Variants in OSBPL8 observed in about 807,000 individuals in gnomAD.
The protein encoded by OSBPL8 is oxysterol binding protein like 8, also known as oxysterol-binding protein-related protein 8.
In OSBPL8, 59 loss-of-function variants were observed where a neutral mutation model predicts 125.5. That is an observed-to-expected ratio of 0.47 (90% CI 0.38 to 0.58). The LOEUF (loss-of-function observed/expected upper bound fraction) is 0.58. OSBPL8 is among the 20% of genes least tolerant of loss of function. The pLI is 0.00. For missense variants in OSBPL8, 758 were observed against 1,047.8 expected (o/e 0.72, Z 3.82); for synonymous variants, 330 against 338.9 (o/e 0.97, Z 0.29).
rs535395366 is a variant in OSBPL8, at chr12:76,465,813, C to T, written c.43-5918G>A. 2.0e-3 allele frequency among the ~76,000 whole-genome samples: 307 copies of T among 152,112 alleles called. 1 individual carries two copies. The highest frequency in any genetic ancestry group is 6.8e-3 in the African/African-American group (282 of 41,492). Reference sequence around the variant, plus strand: ...TTGAGGTCAAGAGTTTGGGACCAGCCTGGCCAACATGGTGAAACCCCGTCT... The same window carrying T: ...TTGAGGTCAAGAGTTTGGGACCAGCTTGGCCAACATGGTGAAACCCCGTCT... On this transcript the variant is annotated intron_variant, in intron 2 of 23. Transcript: ENST00000261183.
chr12:76,481,433 C>A (rs555711739), intron 2 of OSBPL8, among the ~76,000 whole-genome samples: 1 of 152,086 alleles, frequency 6.6e-6, no homozygotes, highest in South Asian at 2.1e-4. Context: ...TTGTTACAGC[C>A]TGGGAAACAT....
At chr12:76,544,500 C>T (rs1253102779) in intron 1 of OSBPL8, among the ~76,000 whole-genome samples, 2 of 152,124 alleles carry the variant, frequency 1.3e-5, no homozygotes, top group Non-Finnish European at 2.9e-5. Flanking sequence ...AACACACTGA[C>T]CATCTCTTAG....
intron 1 of OSBPL8, among the ~76,000 whole-genome samples, chr12:76,529,461 A>G (rs1380393367): frequency 6.6e-6 from 1 of 151,146 alleles, no homozygotes; most frequent in Non-Finnish European, 1.5e-5. Flanking sequence ...GCAACTAACC[A>G]TTTGTACTTG....
At chr12:76,506,102 T>C (rs1350011551) in intron 1 of OSBPL8, among the ~76,000 whole-genome samples, 2 of 152,218 alleles carry the variant, frequency 1.3e-5, no homozygotes, top group Non-Finnish European at 2.9e-5. Flanking sequence ...AAAGAATTTA[T>C]TGATGAATCA....
At chr12:76,545,718 T>C (rs1361504932) in intron 1 of OSBPL8, among the ~76,000 whole-genome samples, 1 of 150,752 alleles carries the variant, frequency 6.6e-6, no homozygotes, top group African/African-American at 2.4e-5. Context: ...TCATCTCTAA[T>C]TTACAATGTA....
At chr12:76,446,272 C>T (rs1465651618) in intron 4 of OSBPL8, among the ~76,000 whole-genome samples, 1 of 152,116 alleles carries the variant, frequency 6.6e-6, no homozygotes, top group Non-Finnish European at 1.5e-5. Flanking sequence ...GTTTTCTGGA[C>T]ATTGGTTTAT....
intron 23 of OSBPL8, among the ~76,000 whole-genome samples, chr12:76,356,378 A>G (rs1208079083): frequency 6.6e-6 from 1 of 152,178 alleles, no homozygotes; most frequent in Non-Finnish European, 1.5e-5. Flanking sequence ...CTAGCATGCT[A>G]TAGGAGTAAA....
chr12:76,416,039 T>C (rs976576396), intron 4 of OSBPL8, among the ~76,000 whole-genome samples: 10 of 152,142 alleles, frequency 6.6e-5, no homozygotes, highest in African/African-American at 2.4e-4. Flanking sequence ...TTCTAAAATA[T>C]GCACTTAAGG....
chr12:76,518,706 C>T (rs1055072773), intron 1 of OSBPL8, among the ~76,000 whole-genome samples: 6 of 152,166 alleles, frequency 3.9e-5, no homozygotes, highest in African/African-American at 1.2e-4. Flanking sequence ...CTCTTAACAC[C>T]ACATGGAAGC....
At chr12:76,377,889 T>C (rs963373077) in intron 16 of OSBPL8, among the ~76,000 whole-genome samples, 1 of 152,170 alleles carries the variant, frequency 6.6e-6, no homozygotes, top group Non-Finnish European at 1.5e-5. Context: ...TTCTATTTTA[T>C]AGGAGCTGCT....
chr12:76,396,716 T>C (rs1199777709), intron 8 of OSBPL8, among the ~76,000 whole-genome samples: 1 of 151,936 alleles, frequency 6.6e-6, no homozygotes, highest in East Asian at 1.9e-4. Flanking sequence ...ATCATGCCAC[T>C]GCAGTCCAGC....
rs542179942 is a variant in OSBPL8 at position 76,360,761 on chromosome 12, G to A, written c.2329-1950C>T. On this transcript the variant is annotated intron_variant, in intron 21 of 23. Coordinates refer to ENST00000261183, the MANE Select transcript of OSBPL8 (RefSeq NM_020841.5). ...ACAGGCTCAACACCATGTGGAAGCTGCCAAGGTTTGGGGCTTGCACCCTCT... is the reference window on the plus strand; with the variant it reads ...ACAGGCTCAACACCATGTGGAAGCTACCAAGGTTTGGGGCTTGCACCCTCT... Among the ~76,000 whole-genome samples, 4 of 152,324 alleles carry A rather than the reference G, an allele frequency of 2.6e-5. No individual in the cohort carries two copies. In the East Asian group the frequency reaches 7.7e-4, roughly 29 times the overall value.
intron 3 of OSBPL8, among the ~76,000 whole-genome samples, chr12:76,451,545 G>A (rs1316990297): frequency 6.6e-6 from 1 of 152,136 alleles, no homozygotes; most frequent in Non-Finnish European, 1.5e-5. Context: ...CTTGCCTGAG[G>A]CTAAACAGTA....
chr12:76,399,879 C>A lies in OSBPL8; in HGVS notation c.462G>T (p.Trp154Cys). ...TDPSVIVMAD[W>C]LKIRGTLKSW... The stretch of plus-strand genomic sequence containing the variant: ...TGATTCAAAACACACTGACCTTTAA[C>A]CAATCAGCCATAACAATAACAGAAG... Residue 154 changes from tryptophan to cysteine, a missense_variant, in exon 7 of 24, where the codon TGG becomes TGT. Trp to Cys is a radical substitution (Grantham distance 215, BLOSUM62 -2). Around this residue, in one of 3 missense-constraint regions of OSBPL8, gnomAD observed 69 missense variants for 148.7 expected, o/e 0.46. Transcript: ENST00000261183. 6.3e-7 allele frequency: 1 copy of A among 1,595,196 alleles called. No individual in the cohort carries two copies. Among genetic ancestry groups the A allele is most frequent in the South Asian group, 1.2e-5 (1 of 86,070 alleles).
At chr12:76,409,729 A>G (rs1362562452) in intron 5 of OSBPL8, among the ~76,000 whole-genome samples, 1 of 152,210 alleles carries the variant, frequency 6.6e-6, no homozygotes, top group Non-Finnish European at 1.5e-5. Flanking sequence ...AGTGGGAATA[A>G]TATTTATGTA....
At chr12:76,460,505 A>G (rs1874591031) in intron 2 of OSBPL8, among the ~76,000 whole-genome samples, 1 of 151,964 alleles carries the variant, frequency 6.6e-6, no homozygotes, top group Non-Finnish European at 1.5e-5. Flanking sequence ...CAAAAAAAAA[A>G]AAAAAAAGAG....
At chr12:76,363,317 G>C (rs1952281179) in intron 21 of OSBPL8, among the ~76,000 whole-genome samples, 1 of 151,648 alleles carries the variant, frequency 6.6e-6, no homozygotes, top group African/African-American at 2.4e-5. Flanking sequence ...CAGATATATA[G>C]ACCGATGGAA....
At chr12:76,527,499 A>G (rs1043204571) in intron 1 of OSBPL8, among the ~76,000 whole-genome samples, 3 of 152,244 alleles carry the variant, frequency 2.0e-5, no homozygotes, top group Non-Finnish European at 2.9e-5. Context: ...ATCATCGAGT[A>G]TAAATCTGTC....
chr12:76,456,468 C>T (rs34112457), intron 3 of OSBPL8, among the ~76,000 whole-genome samples: 57,613 of 151,796 alleles, frequency 0.38, 11,543 homozygotes, highest in Non-Finnish European at 0.46. Context: ...CTGGCCAACA[C>T]GGTGAAACCC....
Sources: gnomAD v4.1 joint callset for allele counts (sites outside exome capture counted in the v4.1 genomes callset) on GRCh38, gnomAD v4.1.1 for gene constraint, gnomAD v4.1.1 regional missense constraint, MANE v1.5 for transcripts, NCBI Gene and HGNC (gene_info 2026-07-23, HGNC 2026-07-21) for gene names.